The following SLC6A18 variants were observed in gnomAD, a reference collection of about 807,000 sequenced individuals.
SLC6A18 encodes the protein solute carrier family 6 member 18.
In SLC6A18, 58 loss-of-function variants were observed where a neutral mutation model predicts 62.9. The observed-to-expected ratio is 0.92, with a 90% CI of 0.75 to 1.15. The LOEUF is 1.15. SLC6A18 is among the 50% of genes most tolerant of loss of function. The pLI, the probability that SLC6A18 is intolerant of heterozygous loss-of-function variation, is 0.00. For missense variants in SLC6A18, 793 were observed against 836.6 expected (o/e 0.95, Z 0.64); for synonymous variants, 382 against 365.8 (o/e 1.04, Z -0.51).
At position 1,244,669 on chromosome 5, in the gene SLC6A18, T is replaced by C. The variant is rs937475943; in HGVS notation, c.1558T>C (p.Trp520Arg). 14 of 1,612,418 alleles carry C rather than the reference T, an allele frequency of 8.7e-6. No homozygotes were observed. In the African/African-American group the frequency reaches 1.3e-4, roughly 15 times the overall value. ...GCCCAGCCCCTACTGGCGGCTGACCTGGAGGGTGGTCAGTCCCCTGCTGCT... is the reference window on the plus strand; with the variant it reads ...GCCCAGCCCCTACTGGCGGCTGACCCGGAGGGTGGTCAGTCCCCTGCTGCT... The part of the protein sequence containing the change: ...RRPSPYWRLT[W>R]RVVSPLLLTI... The change falls in exon 11 of 12, where the codon TGG (tryptophan) becomes CGG (arginine). Residue 520 changes from tryptophan (W) to arginine (R), a missense_variant. Trp to Arg is a moderately radical substitution (Grantham distance 101). Coordinates refer to ENST00000324642, the MANE Select transcript of SLC6A18 (RefSeq NM_182632.3).
chr5:1,232,250 G>A lies in SLC6A18; in HGVS notation c.192G>A (p.Leu64=), dbSNP rs766635865. 1 of 1,612,902 alleles carries A rather than the reference G, an allele frequency of 6.2e-7. No individual in the cohort carries two copies. The highest frequency in any genetic ancestry group is 8.5e-7 in the Non-Finnish European group (1 of 1,179,824). ...GAFLIPYVIA[L]VFEGIPIFHV... ...TCCTCATCCCCTACGTCATCGCGCTGGTCTTCGAGGGGATCCCCATTTTCC... is the reference window on the plus strand; with the variant it reads ...TCCTCATCCCCTACGTCATCGCGCTAGTCTTCGAGGGGATCCCCATTTTCC... Residue 64 remains leucine (L), a synonymous_variant, in exon 2 of 12, where the codon CTG becomes CTA. Transcript: ENST00000324642.
intron 5 of SLC6A18, 132 bp from the exon 6 acceptor site, chr5:1,239,318 C>T (rs993033619): frequency 1.5e-6 from 1 of 661,652 alleles, no homozygotes; most frequent in South Asian, 1.8e-5. Flanking sequence ...CTACCCTGTT[C>T]CTGGTGTCTG....
intron 2 of SLC6A18, 143 bp downstream of exon 2, chr5:1,232,502 G>T (rs1351433113): frequency 3.3e-6 from 4 of 1,218,366 alleles, no homozygotes; most frequent in Non-Finnish European, 4.5e-6. Context: ...GGGAGCCCTT[G>T]GGTGTGTGTG....
intron 4 of SLC6A18, among the ~76,000 whole-genome samples, chr5:1,236,176 G>A (rs6554677): frequency 0.12 from 17,892 of 151,750 alleles, 1,488 homozygotes; most frequent in African/African-American, 0.23. Flanking sequence ...TATTTTTCAG[G>A]ATCCCGCTCT....
chr5:1,246,057 C>A lies in SLC6A18; in HGVS notation c.1866C>A (p.Arg622=), dbSNP rs1747214788. ...ACACGCGCCCAGACACGGACATGCGCCCGGACACGGACATGCGCTGAAGCC... is the reference window on the plus strand; with the variant it reads ...ACACGCGCCCAGACACGGACATGCGACCGGACACGGACATGCGCTGAAGCC... ...DTDTRPDTDM[R]PDTDMR is the part of the protein sequence containing the mutation. Residue 622 remains arginine (R), a synonymous_variant, in exon 12 of 12, where the codon CGC becomes CGA. Transcript: ENST00000324642. 1.3e-6 allele frequency: 2 copies of A among 1,587,182 alleles called. No homozygotes were observed. The highest frequency in any genetic ancestry group is 8.5e-7 in the Non-Finnish European group (1 of 1,172,756).
chr5:1,235,241 G>A (rs951288362), intron 3 of SLC6A18, among the ~76,000 whole-genome samples: 8 of 152,224 alleles, frequency 5.3e-5, no homozygotes, highest in African/African-American at 1.2e-4. Flanking sequence ...AGGCTGCCCC[G>A]GCTCAGCAGG....
intron 11 of SLC6A18, among the ~76,000 whole-genome samples, chr5:1,245,486 G>C (rs1437187608): frequency 6.6e-6 from 1 of 152,162 alleles, no homozygotes; most frequent in Non-Finnish European, 1.5e-5. Context: ...GAATTTCCAC[G>C]GTACCTGCAG....
intron 7 of SLC6A18, among the ~76,000 whole-genome samples, chr5:1,242,425 A>AGCCCTCCCAGGGATGTTGTGCTTCGCAG (rs1561180389): frequency 1.6e-4 from 11 of 67,956 alleles, no homozygotes; most frequent in African/African-American, 7.0e-4. Flanking sequence ...GGAGGCGTCC[A>AGCCCTCCCAGGGATGTTGTGCTTCGCAG]CACGATCCCA....
chr5:1,244,515 G>T, intron 10 of SLC6A18, 93 bp from the exon 11 acceptor site: 1 of 1,547,084 alleles, frequency 6.5e-7, no homozygotes, highest in Non-Finnish European at 8.7e-7. Context: ...ACCAGAGGGT[G>T]CAGGTTGGAC....
rs1271675015 is a variant in SLC6A18 at position 1,243,308 on chromosome 5, C to T, written c.1132-247C>T. ...TGCCTGACTCTAGGCATAAAAGGCG[C>T]TGGTTTCTAGGCCCAGCTGCCTGCT... On this transcript the variant is annotated intron_variant, in intron 8 of 11. Transcript: ENST00000324642. This position sits in a 1 kb window ranked among gnomAD's most constrained non-coding sequence, Gnocchi z 6.5. Among the ~76,000 whole-genome samples, 1 of 152,178 alleles carries T rather than the reference C, an allele frequency of 6.6e-6. No individual in the cohort carries two copies. The highest frequency in any genetic ancestry group is 1.5e-5 in the Non-Finnish European group (1 of 68,014).
Position 1,232,347 on chromosome 5 carries a change from CT to C in SLC6A18, c.290del (p.Leu97ProfsTer4). 1 of 1,610,886 alleles carries C rather than the reference CT, an allele frequency of 6.2e-7. No individual in the cohort carries two copies. On this transcript the variant is annotated frameshift_variant, in exon 2 of 12. Transcript: ENST00000324642. LOFTEE classifies it high-confidence loss of function. The stretch of plus-strand genomic sequence containing the variant: ...CGTGTGGACGGCCATCTCCCCGTAC[CT>C]CAGTGGAGTAGGTAGGCCACCGTCC... ...VGVWTAISPY[L>X]SGVGLGCVTL...
At chr5:1,235,747 C>G in intron 4 of SLC6A18, 85 bp downstream of exon 4, 1 of 1,397,980 alleles carries the variant, frequency 7.2e-7, no homozygotes, top group Non-Finnish European at 1.0e-6. Flanking sequence ...CGCTTTGTGT[C>G]TACAAGCTCT....
intron 11 of SLC6A18, among the ~76,000 whole-genome samples, 165 bp from the exon 12 acceptor site, chr5:1,245,664 CTCCTGGCCCGGAGGGGCGG>C (rs1747197619): frequency 6.6e-6 from 1 of 152,250 alleles, no homozygotes; most frequent in South Asian, 2.1e-4. Context: ...GGTCCCCAAA[CTCCTGGCCCGGAGGGGCGG>C]TGGTGAGCGG....
Position 1,238,616 on chromosome 5 carries a change from G to C in SLC6A18, c.732+556G>C, listed in dbSNP as rs74584178. ...AGTGAGCCAGGGGCCTCAGGAAAGAGGTCAGGTTTGGAGTGAGCCTGGAGG... is the reference window on the plus strand; with the variant it reads ...AGTGAGCCAGGGGCCTCAGGAAAGACGTCAGGTTTGGAGTGAGCCTGGAGG... On this transcript the variant is annotated intron_variant, in intron 5 of 11. Transcript: ENST00000324642. 3.9e-4 allele frequency among the ~76,000 whole-genome samples: 12 copies of C among 30,664 alleles called. 3 individuals carry two copies. The highest frequency in any genetic ancestry group is 2.5e-3 in the African/African-American group (4 of 1,608). The allele number at this position is 30,664 out of a possible 152,430, so 20.1% of individuals were successfully genotyped here. A position where few individuals can be genotyped will look rare whatever the true frequency, so the allele number is the denominator to read the frequency against.
rs370591425 is a variant in SLC6A18 at position 1,243,671 on chromosome 5, G to A, written c.1248G>A (p.Ser416=). 332 of 1,613,926 alleles carry A rather than the reference G, an allele frequency of 2.1e-4. No homozygotes were observed. The highest frequency in any genetic ancestry group is 2.6e-4 in the Non-Finnish European group (309 of 1,179,996). ...GGATGCTGTTCACCTTGGGGCTATC[G>A]ACCATGTTCGGGACCGTGGAGGCGG... ...FFGMLFTLGL[S]TMFGTVEAVI... Residue 416 remains serine, a synonymous_variant, in exon 9 of 12, where the codon TCG becomes TCA. Transcript: ENST00000324642. The surrounding 1 kb of genome is among the most constrained non-coding windows in gnomAD (Gnocchi z 6.5).
chr5:1,236,875 A>G (rs1229129503), intron 4 of SLC6A18, among the ~76,000 whole-genome samples: 2 of 152,026 alleles, frequency 1.3e-5, no homozygotes, highest in African/African-American at 4.8e-5. Flanking sequence ...AGAGGACTGG[A>G]ATTACTGAAT....
At chr5:1,227,058 A>ACCTTGCCCGCCGACC (rs1561173375) in intron 1 of SLC6A18, among the ~76,000 whole-genome samples, 1 of 64,050 alleles carries the variant, frequency 1.6e-5, no homozygotes, top group Admixed American at 1.5e-4. Flanking sequence ...GCCCGCCGAC[A>ACCTTGCCCGCCGACC]CCTTGCCCGC....
At chr5:1,242,458 C>T (rs1257379068) in intron 7 of SLC6A18, among the ~76,000 whole-genome samples, 4 of 35,236 alleles carry the variant, frequency 1.1e-4, no homozygotes, top group African/African-American at 4.3e-4. Context: ...GGCGTCCACA[C>T]GATCCCAACA....
Position 1,243,860 on chromosome 5 carries a change from G to T in SLC6A18, c.1336+101G>T. The T allele has an allele frequency of 1.7e-6, 2 of 1,151,728 alleles. No homozygotes were observed. The highest frequency in any genetic ancestry group is 2.4e-6 in the Non-Finnish European group (2 of 833,698). The allele number at this position is 1,151,728 out of a possible 1,614,324, so 71.3% of individuals were successfully genotyped here. ...GCCCCTCCTGGATGGAGAGCGCAAG[G>T]GGCCAAGCCTGAGTTCAGGGAAAGG... On this transcript the variant is annotated intron_variant, in intron 9 of 11. Coordinates refer to ENST00000324642, the MANE Select transcript of SLC6A18 (RefSeq NM_182632.3). This position sits in a 1 kb window ranked among gnomAD's most constrained non-coding sequence, Gnocchi z 6.5.
Sources: allele counts gnomAD v4.1 joint callset (sites outside exome capture counted in the v4.1 genomes callset), GRCh38; gene constraint gnomAD v4.1.1; non-coding constraint Gnocchi (gnomAD v3.1); transcripts MANE v1.5; gene names NCBI Gene and HGNC (gene_info 2026-07-23, HGNC 2026-07-21).